The following KIAA1217 variants were observed in gnomAD, a reference collection of about 807,000 sequenced individuals.
KIAA1217 encodes sickle tail protein homolog.
In KIAA1217, 88 loss-of-function variants were observed where a neutral mutation model predicts 163.9. The observed-to-expected ratio is 0.54, with a 90% CI of 0.45 to 0.64. KIAA1217 has a LOEUF of 0.64. Ranked by LOEUF, KIAA1217 falls within the 30% of genes least tolerant of loss-of-function variation. The pLI is 0.00. For missense variants in KIAA1217, 2,372 were observed against 2,475.0 expected (o/e 0.96, Z 0.88); for synonymous variants, 903 against 923.1 (o/e 0.98, Z 0.39).
At chr10:23,920,367 C>T (rs184807160) in intron 1 of KIAA1217, among the ~76,000 whole-genome samples, 2 of 152,198 alleles carry the variant, frequency 1.3e-5, no homozygotes, top group African/African-American at 2.4e-5. Context: ...TTGGTAAGGT[C>T]GCTGACTGGC....
rs111724952 is a variant in KIAA1217, at chr10:23,892,451, T to C, written c.-320-114774T>C. On this transcript the variant is annotated intron_variant, in intron 1 of 18. Coordinates refer to the KIAA1217 transcript ENST00000376462. ...TCTCTGGAAGCCTTGTTGAGATTTG[T>C]GGTACATTTGGTTTGGCCAGTGAGT... Among the ~76,000 whole-genome samples, 739 of 152,078 alleles carry C rather than the reference T, an allele frequency of 4.9e-3. 5 individuals are homozygous for C. The highest frequency in any genetic ancestry group is 0.017 in the African/African-American group (698 of 41,546).
chr10:23,954,510 A>G (rs1423915177), intron 1 of KIAA1217, among the ~76,000 whole-genome samples: 1 of 151,952 alleles, frequency 6.6e-6, no homozygotes, highest in African/African-American at 2.4e-5. Context: ...CGCTGCAGTG[A>G]GCCATGAGCA....
rs571933836 is a variant in KIAA1217, at chr10:23,823,757, C to T, written c.-321+128523C>T. Among the ~76,000 whole-genome samples the T allele has an allele frequency of 2.0e-5, 3 of 152,106 alleles. No homozygotes were observed. In the East Asian group the frequency reaches 5.8e-4, roughly 29 times the overall value. On this transcript the variant is annotated intron_variant, in intron 1 of 18. Transcript: ENST00000376462. ...AATAAGAGTGACTAAAATATCAAAA[C>T]TTTGTTTTAGTTCGGGGTAATGGCA...
At chr10:24,249,568 A>G (rs2074240828) in intron 2 of KIAA1217, among the ~76,000 whole-genome samples, 1 of 152,208 alleles carries the variant, frequency 6.6e-6, no homozygotes, top group Admixed American at 6.5e-5. Context: ...CTGGCTTTTT[A>G]AGACGTAAAC....
chr10:23,727,812 G>C (rs1027174199), intron 1 of KIAA1217, among the ~76,000 whole-genome samples: 3 of 151,862 alleles, frequency 2.0e-5, no homozygotes, highest in Middle Eastern at 3.2e-3. Context: ...CCCACCTCCC[G>C]ATGGGCCCTT....
intron 2 of KIAA1217, among the ~76,000 whole-genome samples, chr10:24,080,785 A>G (rs1024185134): frequency 4.7e-5 from 7 of 150,052 alleles, no homozygotes. Flanking sequence ...CAAGCATTCT[A>G]CTTATACTCT....
chr10:24,332,906 G>T (rs1470389657), intron 2 of KIAA1217, among the ~76,000 whole-genome samples: 1 of 152,052 alleles, frequency 6.6e-6, no homozygotes, highest in East Asian at 1.9e-4. Context: ...GAGGGAAGGA[G>T]GAATTTAGGA....
At chr10:23,782,668 T>C (rs1835311643) in intron 1 of KIAA1217, among the ~76,000 whole-genome samples, 1 of 152,160 alleles carries the variant, frequency 6.6e-6, no homozygotes, top group Non-Finnish European at 1.5e-5. Flanking sequence ...CTTTACCTCA[T>C]GTGAGCTGCC....
At chr10:23,801,846 C>G (rs941851650) in intron 1 of KIAA1217, among the ~76,000 whole-genome samples, 4 of 152,194 alleles carry the variant, frequency 2.6e-5, no homozygotes, top group African/African-American at 7.2e-5. Flanking sequence ...TCACACAGAA[C>G]AGGTCAGGAC....
intron 2 of KIAA1217, among the ~76,000 whole-genome samples, chr10:24,110,103 A>C (rs2062788542): frequency 6.6e-6 from 1 of 152,218 alleles, no homozygotes; most frequent in African/African-American, 2.4e-5. Flanking sequence ...ATAGATGAGA[A>C]TGGACTTTGA....
At chr10:23,864,066 A>AGTT (rs1840070599) in intron 1 of KIAA1217, among the ~76,000 whole-genome samples, 3 of 139,238 alleles carry the variant, frequency 2.2e-5, no homozygotes, top group Non-Finnish European at 4.5e-5. Flanking sequence ...AAAACCTTGT[A>AGTT]AAGTAGTTAT....
rs115906677 is a variant in KIAA1217 at position 24,120,199 on chromosome 10, C to A, written c.-170-99427C>A. On this transcript the variant is annotated intron_variant, in intron 2 of 18. Transcript: ENST00000376462. ...TGTATTATTTCAGACCTATAGATGT[C>A]CTTTAAATTTCCCCTACATGTTGTG... Among the ~76,000 whole-genome samples, 574 of 152,272 alleles carry A rather than the reference C, an allele frequency of 3.8e-3. 2 individuals carry two copies. The highest frequency in any genetic ancestry group is 0.013 in the African/African-American group (548 of 41,560).
chr10:24,530,852 C>T (rs2073013552), intron 14 of KIAA1217, among the ~76,000 whole-genome samples: 1 of 152,034 alleles, frequency 6.6e-6, no homozygotes, highest in South Asian at 2.1e-4. Context: ...GCCGTGATGG[C>T]ACCACTGCAC....
chr10:24,264,102 G>A lies in KIAA1217; in HGVS notation c.354+44193G>A, dbSNP rs149707271. Among the ~76,000 whole-genome samples, 625 of 152,088 alleles carry A rather than the reference G, an allele frequency of 4.1e-3. 6 individuals are homozygous for A. Among genetic ancestry groups the A allele is most frequent in the African/African-American group, 0.014 (592 of 41,500 alleles). On this transcript the variant is annotated intron_variant, in intron 2 of 20. Coordinates refer to ENST00000376454, the MANE Select transcript of KIAA1217 (RefSeq NM_019590.5). Reference sequence around the variant, plus strand: ...TCGAATTCCTGTCCTCAGGTGATCCGCCCACCTCGGCCTCCCAAAGTGCTG... The same window carrying A: ...TCGAATTCCTGTCCTCAGGTGATCCACCCACCTCGGCCTCCCAAAGTGCTG...
intron 1 of KIAA1217, among the ~76,000 whole-genome samples, chr10:23,744,217 C>G (rs749717421): frequency 6.6e-6 from 1 of 152,188 alleles, no homozygotes; most frequent in Non-Finnish European, 1.5e-5. Flanking sequence ...ATGTGAGCTA[C>G]TAGGTAGCCT....
At chr10:24,539,968 T>C (rs964833297) in intron 17 of KIAA1217, among the ~76,000 whole-genome samples, 5 of 152,336 alleles carry the variant, frequency 3.3e-5, no homozygotes, top group African/African-American at 1.2e-4. Context: ...CCAGGGCCTA[T>C]AAATACATAT....
chr10:24,066,733 A>T (rs185611530), intron 2 of KIAA1217, among the ~76,000 whole-genome samples: 13 of 152,268 alleles, frequency 8.5e-5, no homozygotes, highest in Admixed American at 8.5e-4. Flanking sequence ...TATCCTGCAG[A>T]GTGTTTTCCA....
At chr10:24,415,654 C>T (rs551156540) in intron 3 of KIAA1217, among the ~76,000 whole-genome samples, 4 of 152,174 alleles carry the variant, frequency 2.6e-5, no homozygotes, top group Non-Finnish European at 5.9e-5. Flanking sequence ...TCCGCCTTTG[C>T]TTGAGACTCA....
intron 2 of KIAA1217, among the ~76,000 whole-genome samples, chr10:24,279,553 T>G (rs1011942152): frequency 6.6e-6 from 1 of 152,178 alleles, no homozygotes; most frequent in African/African-American, 2.4e-5. Context: ...GAAGAGTCTA[T>G]GAGAAAGTTA....
Sources: allele counts gnomAD v4.1 joint callset (sites outside exome capture counted in the v4.1 genomes callset), GRCh38; gene constraint gnomAD v4.1.1; transcripts MANE v1.5; gene names NCBI Gene and HGNC (gene_info 2026-07-23, HGNC 2026-07-21).